The following MACROD2 variants were observed in gnomAD, a reference collection of about 807,000 sequenced individuals.
The protein encoded by MACROD2 is ADP-ribose glycohydrolase MACROD2.
In MACROD2, 36 loss-of-function variants were observed where a neutral mutation model predicts 70.4. The observed-to-expected ratio is 0.51, with a 90% confidence interval of 0.39 to 0.68. The LOEUF is 0.68. MACROD2 is among the 30% of genes least tolerant of loss of function. MACROD2 has a pLI of 0.00. For missense variants in MACROD2, 496 were observed against 538.4 expected (o/e 0.92, Z 0.78); for synonymous variants, 172 against 178.8 (o/e 0.96, Z 0.30).
intron 5 of MACROD2, among the ~76,000 whole-genome samples, chr20:14,989,138 GC>G: frequency 6.6e-6 from 1 of 152,096 alleles, no homozygotes; most frequent in East Asian, 1.9e-4. Flanking sequence ...TAGAATTTTA[GC>G]TTTTTTGGAA....
intron 10 of MACROD2, among the ~76,000 whole-genome samples, chr20:15,921,907 G>A (rs78757570): frequency 3.3e-5 from 5 of 152,344 alleles, no homozygotes; most frequent in East Asian, 1.9e-4. Context: ...GGAGGACTCC[G>A]GGAAATAGTG....
chr20:15,615,123 C>T (rs147727451), intron 8 of MACROD2, among the ~76,000 whole-genome samples: 26 of 152,174 alleles, frequency 1.7e-4, no homozygotes, highest in South Asian at 1.2e-3. Context: ...TCTGAGGAGA[C>T]GACAGCACCC....
intron 8 of MACROD2, among the ~76,000 whole-genome samples, chr20:15,816,210 T>C (rs2063872930): frequency 6.6e-6 from 1 of 152,090 alleles, no homozygotes; most frequent in Non-Finnish European, 1.5e-5. Flanking sequence ...GGTCAATGAA[T>C]TGATATATTG....
At chr20:14,105,632 G>A (rs1176630124) in intron 3 of MACROD2, among the ~76,000 whole-genome samples, 1 of 152,172 alleles carries the variant, frequency 6.6e-6, no homozygotes, top group Non-Finnish European at 1.5e-5. Context: ...TGGAGCCAGT[G>A]AACTAGGGTG....
chr20:14,853,314 C>G (rs1035658011), intron 5 of MACROD2, among the ~76,000 whole-genome samples: 1 of 151,864 alleles, frequency 6.6e-6, no homozygotes, highest in Non-Finnish European at 1.5e-5. Flanking sequence ...GTGACACTTG[C>G]TTTTGTTAGT....
intron 5 of MACROD2, among the ~76,000 whole-genome samples, chr20:14,871,517 G>A (rs2073488010): frequency 6.6e-6 from 1 of 152,036 alleles, no homozygotes. Context: ...AGCTCCTGAA[G>A]GAAGCACTAA....
chr20:15,983,760 T>G (rs945477727), intron 13 of MACROD2, among the ~76,000 whole-genome samples: 1 of 152,220 alleles, frequency 6.6e-6, no homozygotes, highest in African/African-American at 2.4e-5. Flanking sequence ...ATGTGCACAA[T>G]CATAACAATT....
intron 8 of MACROD2, among the ~76,000 whole-genome samples, chr20:15,568,684 T>A (rs1187761976): frequency 1.3e-5 from 2 of 152,112 alleles, no homozygotes; most frequent in Non-Finnish European, 1.5e-5. Context: ...AAACGCAAGG[T>A]CACACATAAG....
At chr20:14,279,660 A>G (rs1016253178) in intron 3 of MACROD2, among the ~76,000 whole-genome samples, 2 of 152,208 alleles carry the variant, frequency 1.3e-5, no homozygotes, top group Admixed American at 6.5e-5. Flanking sequence ...TTTGAATGAC[A>G]AAGTATTTGA....
intron 5 of MACROD2, among the ~76,000 whole-genome samples, chr20:14,981,077 T>C (rs560097188): frequency 6.6e-6 from 1 of 151,414 alleles, no homozygotes; most frequent in South Asian, 2.1e-4. Context: ...TGTGTGTGTG[T>C]CCCACCTAAC....
intron 15 of MACROD2, among the ~76,000 whole-genome samples, chr20:16,033,567 A>C (rs1171017116): frequency 1.3e-5 from 2 of 152,078 alleles, no homozygotes; most frequent in Non-Finnish European, 2.9e-5. Flanking sequence ...GAAGTAGCCA[A>C]TAAATATTAA....
At chr20:15,490,415 C>T (rs1050565371) in intron 7 of MACROD2, among the ~76,000 whole-genome samples, 1 of 151,954 alleles carries the variant, frequency 6.6e-6, no homozygotes, top group African/African-American at 2.4e-5. Context: ...CAGGCATGTG[C>T]CTGGGTGATT....
At chr20:15,407,743 A>G (rs921180833) in intron 6 of MACROD2, among the ~76,000 whole-genome samples, 1 of 152,220 alleles carries the variant, frequency 6.6e-6, no homozygotes, top group Non-Finnish European at 1.5e-5. Flanking sequence ...GAATTAAATG[A>G]ATACTAAATT....
intron 3 of MACROD2, among the ~76,000 whole-genome samples, chr20:14,196,839 G>A (rs1227247105): frequency 6.6e-6 from 1 of 152,156 alleles, no homozygotes; most frequent in Non-Finnish European, 1.5e-5. Context: ...ATAAAGCTTT[G>A]CCACTACAGA....
At chr20:14,518,086 C>G (rs777835701) in intron 4 of MACROD2, among the ~76,000 whole-genome samples, 31 of 151,910 alleles carry the variant, frequency 2.0e-4, no homozygotes, top group Non-Finnish European at 3.5e-4. Context: ...TCATTGCTTA[C>G]TTTACATATT....
chr20:15,666,210 A>T (rs1655148815), intron 8 of MACROD2, among the ~76,000 whole-genome samples: 1 of 152,188 alleles, frequency 6.6e-6, no homozygotes, highest in South Asian at 2.1e-4. Flanking sequence ...AAACGCAAAT[A>T]ATGTGAAACT....
chr20:15,593,345 G>A (rs1296676032), intron 8 of MACROD2, among the ~76,000 whole-genome samples: 1 of 152,142 alleles, frequency 6.6e-6, no homozygotes, highest in Admixed American at 6.5e-5. Context: ...TTATTAAGGA[G>A]AAGTACTGAT....
chr20:15,863,000 C>G (rs544203162), intron 9 of MACROD2, among the ~76,000 whole-genome samples, 174 bp downstream of exon 9: 2 of 151,772 alleles, frequency 1.3e-5, no homozygotes, highest in African/African-American at 4.8e-5. Context: ...CTGTGGAACT[C>G]TTGCCCCAAG....
intron 6 of MACROD2, among the ~76,000 whole-genome samples, chr20:15,370,184 T>C (rs1369361349): frequency 1.3e-5 from 2 of 152,148 alleles, no homozygotes; most frequent in Non-Finnish European, 2.9e-5. Context: ...CCACTGTGAT[T>C]ATCTGAAGTC....
Sources: allele counts gnomAD v4.1 joint callset (sites outside exome capture counted in the v4.1 genomes callset), GRCh38; gene constraint gnomAD v4.1.1; transcripts MANE v1.5; gene names NCBI Gene and HGNC (gene_info 2026-07-23, HGNC 2026-07-21).